WAPL: variants seen among roughly 807,000 people sequenced by gnomAD.
WAPL encodes WAPL cohesin release factor.
In WAPL, 5 loss-of-function variants were observed where a neutral mutation model predicts 121.0. The observed-to-expected ratio is 0.04, with a 90% CI of 0.02 to 0.09. The LOEUF (loss-of-function observed/expected upper bound fraction) is 0.09, where lower values mean the gene tolerates loss of function less well. Among genes scored for constraint, WAPL ranks in the 10% least tolerant of loss-of-function variants. The pLI is 1.00. For synonymous variants in WAPL, 480 were observed against 481.5 expected (o/e 1.00, Z 0.04); for missense variants, 999 against 1,410.8 (o/e 0.71, Z 4.68).
At chr10:86,486,118 G>A (rs1421636814) in intron 4 of WAPL, among the ~76,000 whole-genome samples, 1 of 152,070 alleles carries the variant, frequency 6.6e-6, no homozygotes, top group African/African-American at 2.4e-5. Context: ...AATATATCAG[G>A]TTTCTAGTAC....
At chr10:86,504,638 C>T (rs1842310351) in intron 2 of WAPL, among the ~76,000 whole-genome samples, 1 of 150,298 alleles carries the variant, frequency 6.7e-6, no homozygotes, top group African/African-American at 2.4e-5. Flanking sequence ...GTCGACAGAG[C>T]GAGACTCAGT....
intron 2 of WAPL, among the ~76,000 whole-genome samples, chr10:86,503,407 AC>A (rs1179098356): frequency 6.6e-6 from 1 of 152,034 alleles, no homozygotes; most frequent in Non-Finnish European, 1.5e-5. Context: ...ATGGAAGAAA[AC>A]TGCCATTACA....
chr10:86,473,053 T>C (rs1351293491), intron 5 of WAPL, among the ~76,000 whole-genome samples: 2 of 152,226 alleles, frequency 1.3e-5, no homozygotes, highest in East Asian at 3.9e-4. Flanking sequence ...TTAGAAAGAC[T>C]AAAGAACCAC....
At chr10:86,478,058 A>G (rs1197035721) in intron 4 of WAPL, among the ~76,000 whole-genome samples, 4 of 140,620 alleles carry the variant, frequency 2.8e-5, no homozygotes, top group Non-Finnish European at 6.3e-5. Context: ...TCTGTCTCGG[A>G]AAAAAAAAAA....
At chr10:86,505,300 C>CTTTTTTTTTTTT (rs531404303) in intron 2 of WAPL, among the ~76,000 whole-genome samples, 1,127 of 44,672 alleles carry the variant, frequency 0.025, 186 homozygotes, top group Non-Finnish European at 0.034. Context: ...GTGCCCAACT[C>CTTTTTTTTTTTT]TTTTTTTTTT....
intron 2 of WAPL, among the ~76,000 whole-genome samples, chr10:86,502,770 G>A (rs1842269937): frequency 6.6e-6 from 1 of 152,186 alleles, no homozygotes; most frequent in Admixed American, 6.5e-5. Flanking sequence ...GCTAATGACT[G>A]CAGAGGTTCT....
intron 2 of WAPL, among the ~76,000 whole-genome samples, chr10:86,502,019 G>A (rs554488613): frequency 2.6e-5 from 4 of 152,322 alleles, no homozygotes; most frequent in African/African-American, 9.6e-5. Context: ...TAATTTAACA[G>A]GTTAAGATTT....
At chr10:86,437,715 T>G in intron 18 of WAPL, 107 bp from the exon 19 acceptor site, 1 of 1,214,724 alleles carries the variant, frequency 8.2e-7, no homozygotes, top group South Asian at 1.5e-5. Context: ...ACACTACAAA[T>G]CAAAGTACAC....
chr10:86,454,787 C>T lies in WAPL; in HGVS notation c.2658-956G>A, dbSNP rs535357236. 6.4e-5 allele frequency among the ~76,000 whole-genome samples: 9 copies of T among 141,716 alleles called. No individual in the cohort carries two copies. In the South Asian group the frequency reaches 1.6e-3, roughly 26 times the overall value. 93.0% of individuals were successfully genotyped at this position (141,716 alleles called of 152,430 possible). On this transcript the variant is annotated intron_variant, in intron 12 of 18. Transcript: ENST00000298767. ...AGCCGCCATCCCGTCTGGGAAGTGA[C>T]GAGCGTCTCTGCCCGGCCGCCCATC...
At chr10:86,514,540 T>C (rs1283222560) in intron 2 of WAPL, among the ~76,000 whole-genome samples, 1 of 152,196 alleles carries the variant, frequency 6.6e-6, no homozygotes, top group Non-Finnish European at 1.5e-5. Flanking sequence ...TATTTACCTG[T>C]ATTTTAGTAT....
At chr10:86,467,141 C>G (rs1293237891) in intron 9 of WAPL, 138 bp downstream of exon 9, 4 of 726,346 alleles carry the variant, frequency 5.5e-6, no homozygotes, top group Middle Eastern at 2.4e-4. Context: ...ATGCTCAGAT[C>G]TAAACATAAG....
At chr10:86,466,698 T>C (rs1258577915) in intron 9 of WAPL, among the ~76,000 whole-genome samples, 1 of 150,280 alleles carries the variant, frequency 6.7e-6, no homozygotes, top group East Asian at 2.0e-4. Context: ...AATATACATG[T>C]AGTTTCTACC....
chr10:86,476,687 TAAA>T (rs34743479), intron 4 of WAPL, among the ~76,000 whole-genome samples: 7 of 140,166 alleles, frequency 5.0e-5, no homozygotes, highest in East Asian at 2.0e-4. Flanking sequence ...AGACTGTCTT[TAAA>T]AAAAAAAAAA....
chr10:86,505,949 C>T (rs1842341405), intron 2 of WAPL, among the ~76,000 whole-genome samples: 1 of 152,062 alleles, frequency 6.6e-6, no homozygotes, highest in Non-Finnish European at 1.5e-5. Context: ...GTAATTATGG[C>T]ATTTGCAAGC....
rs1842515448 is a variant in WAPL at position 86,514,184 on chromosome 10, G to A, written c.499+3387C>T. Among the ~76,000 whole-genome samples, 3 of 152,138 alleles carry A rather than the reference G, an allele frequency of 2.0e-5. No homozygotes were observed. In the South Asian group the frequency reaches 6.2e-4, roughly 31 times the overall value. ...AGACATAATGCAAGAAAACAGTCTAGGCACAAGAGAAATGACCAGTTTAGA... is the reference window on the plus strand; with the variant it reads ...AGACATAATGCAAGAAAACAGTCTAAGCACAAGAGAAATGACCAGTTTAGA... On this transcript the variant is annotated intron_variant, in intron 2 of 18. Transcript: ENST00000298767.
intron 15 of WAPL, among the ~76,000 whole-genome samples, chr10:86,448,614 AT>A (rs1389963658): frequency 6.6e-6 from 1 of 152,128 alleles, no homozygotes; most frequent in East Asian, 1.9e-4. Context: ...CACATTGCAC[AT>A]TTTTTTATTT....
intron 16 of WAPL, among the ~76,000 whole-genome samples, chr10:86,445,059 T>C (rs1010422207): frequency 2.0e-5 from 3 of 152,140 alleles, no homozygotes; most frequent in Admixed American, 6.5e-5. Context: ...TTCCTACTGA[T>C]GTGAAGCTGA....
chr10:86,491,330 G>A (rs373002726), intron 4 of WAPL, among the ~76,000 whole-genome samples: 96 of 151,584 alleles, frequency 6.3e-4, no homozygotes, highest in African/African-American at 2.3e-3. Flanking sequence ...TAGTAGAAAC[G>A]GGATTTCACC....
intron 16 of WAPL, among the ~76,000 whole-genome samples, chr10:86,444,770 A>T (rs1268053116): frequency 6.6e-6 from 1 of 152,018 alleles, no homozygotes; most frequent in Non-Finnish European, 1.5e-5. Context: ...CAACCTTGTG[A>T]ATACATGAAA....
Sources: gnomAD v4.1 joint callset for allele counts (sites outside exome capture counted in the v4.1 genomes callset) on GRCh38, gnomAD v4.1.1 for gene constraint, MANE v1.5 for transcripts, NCBI Gene and HGNC (gene_info 2026-07-23, HGNC 2026-07-21) for gene names.